The following ASIC4 variants were observed in gnomAD, a reference collection of about 807,000 sequenced individuals.
ASIC4 encodes the protein acid-sensing ion channel 4.
A neutral mutation model predicts 53.4 loss-of-function variants in ASIC4; 28 were observed. The observed-to-expected ratio is 0.52, with a 90% CI of 0.39 to 0.72. ASIC4 has a LOEUF of 0.72. Ranked by LOEUF, ASIC4 falls within the 30% of genes least tolerant of loss-of-function variation. The pLI, the probability that ASIC4 is intolerant of heterozygous loss-of-function variation, is 0.00. For synonymous variants in ASIC4, 289 were observed against 301.4 expected, an observed-to-expected ratio of 0.96 and a Z score of 0.43; for missense variants, 649 against 729.7, an observed-to-expected ratio of 0.89 and a Z score of 1.27.
chr2:219,515,385 C>G (rs558694141), intron 1 of ASIC4, 79 bp downstream of exon 1: 1,200 of 1,503,822 alleles, frequency 8.0e-4, no homozygotes, highest in Non-Finnish European at 9.8e-4. Context: ...CAGTGGTGTA[C>G]AGGGGCATCC....
At position 219,538,230 on chromosome 2, in the gene ASIC4, C is replaced by G. The variant is rs1224642236; in HGVS notation, c.*184C>G. On this transcript the variant is annotated 3_prime_UTR_variant, in exon 10 of 10. Coordinates refer to ENST00000358078, the MANE Select transcript of ASIC4 (RefSeq NM_018674.6). ...TGCACAAAGGTCCTTCTTGTCCACACCCCTTATCCCCAGGCTGGTGCCCCG... is the reference window on the plus strand; with the variant it reads ...TGCACAAAGGTCCTTCTTGTCCACAGCCCTTATCCCCAGGCTGGTGCCCCG... 4 of 608,516 alleles carry G rather than the reference C, an allele frequency of 6.6e-6. No homozygotes were observed. The African/African-American group carries it at 7.4e-5, about 11-fold the overall frequency. The allele number at this position is 608,516 out of a possible 1,614,324, so 37.7% of individuals were successfully genotyped here.
In ASIC4 at chr2:219,515,399, A is replaced by G. The variant is rs555798043; in HGVS notation, c.582+93A>G. ...GCAGTGGTGTACAGGGGCATCCTCA[A>G]CAGGGCTTCCCTTCATTCCACCACC... On this transcript the variant is annotated intron_variant, in intron 1 of 9. Coordinates refer to ENST00000358078, the MANE Select transcript of ASIC4 (RefSeq NM_018674.6). 6.2e-6 allele frequency: 9 copies of G among 1,446,982 alleles called. No homozygotes were observed. In the African/African-American group the frequency reaches 8.5e-5, roughly 14 times the overall value. The allele number at this position is 1,446,982 out of a possible 1,614,324, so 89.6% of individuals were successfully genotyped here.
intron 1 of ASIC4, among the ~76,000 whole-genome samples, chr2:219,526,173 TGAATAGATA>T (rs1694959006): frequency 6.6e-6 from 1 of 151,730 alleles, no homozygotes; most frequent in African/African-American, 2.4e-5. Flanking sequence ...ACGGAAGCTG[TGAATAGATA>T]GAGTTCCGAG....
Position 219,514,903 on chromosome 2 carries a change from C to T in ASIC4, c.179C>T (p.Pro60Leu), listed in dbSNP as rs752696438. 13 of 1,612,750 alleles carry T rather than the reference C, an allele frequency of 8.1e-6. No homozygotes were observed. The East Asian group carries it at 2.9e-4, about 36-fold the overall frequency. The stretch of plus-strand genomic sequence containing the variant: ...CATGGACTGGGCCGGGCCTGTGGCC[C>T]AGGCCCCCACGGACTGCGCAGAACC... The part of the protein sequence containing the change: ...TLHGLGRACG[P>L]GPHGLRRTLW... The change falls in exon 1 of 10, where the codon CCA becomes CTA. Residue 60 changes from proline to leucine, a missense_variant. Physicochemically the swap from Pro to Leu is moderately conservative, Grantham distance 98. Coordinates refer to ENST00000358078, the MANE Select transcript of ASIC4 (RefSeq NM_018674.6).
chr2:219,532,782 G>A lies in ASIC4; in HGVS notation c.1019-101G>A, dbSNP rs147439758. ...GGTGTTCAAGCACATTTATGCAAAT[G>A]TGTGCATATGTGTGTGCATGCATGT... On this transcript the variant is annotated intron_variant, in intron 4 of 9. Transcript: ENST00000358078. 167 of 1,114,466 alleles carry A rather than the reference G, an allele frequency of 1.5e-4. No homozygotes were observed. In the African/African-American group the frequency reaches 2.0e-3, roughly 13 times the overall value. 69.0% of individuals were successfully genotyped at this position (1,114,466 alleles called of 1,614,324 possible). A position where few individuals can be genotyped will look rare whatever the true frequency, so the allele number is the denominator to read the frequency against.
chr2:219,512,478 AC>A (rs1694714696), upstream of ASIC4, among the ~76,000 whole-genome samples: 1 of 152,176 alleles, frequency 6.6e-6, no homozygotes, highest in Non-Finnish European at 1.5e-5. Context: ...TTTAAAAAAA[AC>A]AGTAAAGAAA....
Position 219,514,498 on chromosome 2 carries a change from G to T in ASIC4, c.-227G>T. ...GAGACGATCGAGGAGAGAGACAAGC[G>T]GCAGCAGAGGCAGCAGCGGCAGAGG... On this transcript the variant is annotated 5_prime_UTR_variant, in exon 1 of 10. Transcript: ENST00000358078. The T allele has an allele frequency of 6.5e-7, 1 of 1,549,120 alleles. No individual in the cohort carries two copies. Among genetic ancestry groups the T allele is most frequent in the South Asian group, 1.2e-5 (1 of 83,954 alleles).
rs1695055570 is a variant in ASIC4, at chr2:219,532,323, C to T, written c.864C>T (p.Tyr288=). 6.2e-7 allele frequency: 1 copy of T among 1,610,182 alleles called. No individual in the cohort carries two copies. Among genetic ancestry groups the T allele is most frequent in the South Asian group, 1.1e-5 (1 of 91,012 alleles). The part of the protein sequence containing the change: ...FVSCQEQRLT[Y]LPQPWGNCRA... ...ATGCCCCACCTCTGCAGCTGACCTA[C>T]CTGCCCCAGCCCTGGGGCAACTGCC... Residue 288 remains tyrosine (Y), a synonymous_variant, in exon 4 of 10, where the codon TAC becomes TAT. Transcript: ENST00000358078.
rs1220446497 is a variant in ASIC4, at chr2:219,532,304, C to G, written c.856-11C>G. 1 of 1,607,200 alleles carries G rather than the reference C, an allele frequency of 6.2e-7. No individual in the cohort carries two copies. The highest frequency in any genetic ancestry group is 8.5e-7 in the Non-Finnish European group (1 of 1,174,560). ...TCCTGAGCATGACCTCATCATGCCC[C>G]ACCTCTGCAGCTGACCTACCTGCCC... is the stretch of plus-strand genomic sequence containing the variant. On this transcript the variant is annotated splice_polypyrimidine_tract_variant and intron_variant, in intron 3 of 9. Coordinates refer to ENST00000358078, the MANE Select transcript of ASIC4 (RefSeq NM_018674.6).
At chr2:219,514,470 AAGGAGACGATCG>A (rs543605285) in exon 1 of ASIC4, 4 of 1,550,496 alleles carry the variant, frequency 2.6e-6, no homozygotes, top group Admixed American at 3.9e-5. Context: ...GGGAAGCCAC[AAGGAGACGATCG>A]AGGAGAGAGA....
upstream of ASIC4, among the ~76,000 whole-genome samples, chr2:219,510,869 C>T (rs181183032): frequency 1.6e-3 from 250 of 151,908 alleles, 2 homozygotes; most frequent in African/African-American, 5.7e-3. This position sits in a 1 kb window ranked among gnomAD's most constrained non-coding sequence, Gnocchi z 5.2. Flanking sequence ...TCTCATTAAC[C>T]GCTTCTCCTG....
At chr2:219,527,310 C>T (rs1232850269) in intron 1 of ASIC4, among the ~76,000 whole-genome samples, 1 of 152,234 alleles carries the variant, frequency 6.6e-6, no homozygotes, top group South Asian at 2.1e-4. Context: ...CTGGCCAGTC[C>T]GTTCCCTGCA....
chr2:219,523,842 A>G (rs560403158), intron 1 of ASIC4, among the ~76,000 whole-genome samples: 3 of 149,396 alleles, frequency 2.0e-5, no homozygotes, highest in South Asian at 2.1e-4. Flanking sequence ...TTTTTTTGAG[A>G]CAGGGTCACG....
At chr2:219,510,703 C>T (rs910087783), upstream of ASIC4, among the ~76,000 whole-genome samples, 2 of 152,136 alleles carry the variant, frequency 1.3e-5, no homozygotes, top group South Asian at 2.1e-4. This position sits in a 1 kb window ranked among gnomAD's most constrained non-coding sequence, Gnocchi z 5.2. Flanking sequence ...GTATGAAACT[C>T]GGGAGAAGGT....
rs761784290 is a variant in ASIC4, at chr2:219,537,968, G to A, written c.1542G>A (p.Gly514=). Residue 514 remains glycine (G), a synonymous_variant, in exon 10 of 10, where the codon GGG becomes GGA. Coordinates refer to ENST00000358078, the MANE Select transcript of ASIC4 (RefSeq NM_018674.6). The surrounding 1 kb of genome is among the most constrained non-coding windows in gnomAD (Gnocchi z 4.9). ...PCPSRGRVEG[G]GVSSLLPNHH... is the part of the protein sequence containing the mutation. ...CGAGCCGGGGCCGAGTGGAGGGTGG[G>A]GGGGTCAGCAGTCTGCTCCCCAATC... 1.9e-6 allele frequency: 3 copies of A among 1,612,510 alleles called. No homozygotes were observed. The highest frequency in any genetic ancestry group is 8.5e-7 in the Non-Finnish European group (1 of 1,179,460).
chr2:219,530,843 G>A (rs965257490), intron 1 of ASIC4, among the ~76,000 whole-genome samples: 4 of 152,344 alleles, frequency 2.6e-5, no homozygotes, highest in African/African-American at 9.6e-5. Flanking sequence ...GGTTAGGGAA[G>A]GAGCATGACT....
chr2:219,508,727 T>C, the ASIC4 span, among the ~76,000 whole-genome samples: 4 of 148,518 alleles, frequency 2.7e-5, no homozygotes, highest in African/African-American at 7.4e-5. Flanking sequence ...CCAACCATCA[T>C]TGGCTGTTTA....
chr2:219,537,198 A>T lies in ASIC4; in HGVS notation c.1321+41A>T. 6.2e-7 allele frequency: 1 copy of T among 1,611,930 alleles called. No homozygotes were observed. Among genetic ancestry groups the T allele is most frequent in the Non-Finnish European group, 8.5e-7 (1 of 1,178,332 alleles). On this transcript the variant is annotated intron_variant, in intron 7 of 9. Coordinates refer to ENST00000358078, the MANE Select transcript of ASIC4 (RefSeq NM_018674.6). The surrounding 1 kb of genome is among the most constrained non-coding windows in gnomAD (Gnocchi z 4.9). ...CTGCCCCCAGCTTGTGTGGGGGTGG[A>T]TCGGCCCGGCCGCTCCCTCTGACAC... is the stretch of plus-strand genomic sequence containing the variant.
At chr2:219,523,527 G>A (rs1230540591) in intron 1 of ASIC4, among the ~76,000 whole-genome samples, 1 of 152,190 alleles carries the variant, frequency 6.6e-6, no homozygotes, top group Non-Finnish European at 1.5e-5. Flanking sequence ...GTGGAGGTGG[G>A]GGGTCCCTGT....
Sources: allele counts gnomAD v4.1 joint callset (sites outside exome capture counted in the v4.1 genomes callset), GRCh38; gene constraint gnomAD v4.1.1; non-coding constraint Gnocchi (gnomAD v3.1); transcripts MANE v1.5; gene names NCBI Gene and HGNC (gene_info 2026-07-23, HGNC 2026-07-21).